CORO2B: variants seen among roughly 807,000 people sequenced by gnomAD.
The protein encoded by CORO2B is coronin-2B.
A neutral mutation model predicts 58.8 loss-of-function variants in CORO2B; 26 were observed. That is an observed-to-expected ratio of 0.44 (90% CI 0.32 to 0.61). The LOEUF (loss-of-function observed/expected upper bound fraction) is 0.61, where lower values mean the gene tolerates loss of function less well. CORO2B is among the 20% of genes least tolerant of loss of function. CORO2B has a pLI of 0.04. For missense variants in CORO2B, 460 were observed against 645.1 expected (o/e 0.71, Z 3.11); for synonymous variants, 242 against 253.8 (o/e 0.95, Z 0.44).
chr15:68,545,798 C>G, the CORO2B span, among the ~76,000 whole-genome samples: 38 of 152,256 alleles, frequency 2.5e-4, no homozygotes, highest in Non-Finnish European at 4.1e-4. Flanking sequence ...GGGGGTACCC[C>G]GGGGATGGCA....
intron 2 of CORO2B, among the ~76,000 whole-genome samples, chr15:68,649,529 T>C (rs1050165338): frequency 2.6e-5 from 4 of 152,208 alleles, no homozygotes; most frequent in African/African-American, 9.7e-5. Flanking sequence ...GCAGTCTCGT[T>C]CTCCAGCGTT....
At chr15:68,568,259 C>T in the CORO2B span, among the ~76,000 whole-genome samples, 1 of 151,980 alleles carries the variant, frequency 6.6e-6, no homozygotes, top group Non-Finnish European at 1.5e-5. Flanking sequence ...CCCTGCACTG[C>T]CCCCCACCCC....
intron 3 of CORO2B, among the ~76,000 whole-genome samples, chr15:68,707,970 T>C (rs1490327084): frequency 1.3e-5 from 2 of 150,502 alleles, no homozygotes. Context: ...CTCACAGGAC[T>C]GTATGGGAGT....
chr15:68,723,544 T>G (rs1296103869), intron 11 of CORO2B, among the ~76,000 whole-genome samples: 1 of 151,974 alleles, frequency 6.6e-6, no homozygotes. Flanking sequence ...AACCTCCACC[T>G]CCCGGGTTCA....
chr15:68,663,469 C>T (rs1458643342), intron 2 of CORO2B, among the ~76,000 whole-genome samples: 1 of 152,172 alleles, frequency 6.6e-6, no homozygotes, highest in Non-Finnish European at 1.5e-5. Flanking sequence ...CCAGGAAACA[C>T]ACACACATAC....
chr15:68,553,976 G>T, the CORO2B span, among the ~76,000 whole-genome samples: 2 of 152,200 alleles, frequency 1.3e-5, no homozygotes, highest in African/African-American at 4.8e-5. Context: ...AGTTTTGAAA[G>T]GAGGAAGGAT....
intron 2 of CORO2B, among the ~76,000 whole-genome samples, chr15:68,674,374 G>A (rs1037360532): frequency 2.6e-5 from 4 of 152,236 alleles, no homozygotes; most frequent in African/African-American, 4.8e-5. Context: ...CAGAATGCCC[G>A]CCAGTGTCTG....
intron 3 of CORO2B, among the ~76,000 whole-genome samples, chr15:68,702,762 A>G (rs1892682615): frequency 6.7e-6 from 1 of 150,282 alleles, no homozygotes. Context: ...TGTGTACTGT[A>G]TACAGCTAAA....
At chr15:68,709,480 T>C (rs934255659) in intron 3 of CORO2B, among the ~76,000 whole-genome samples, 4 of 88,206 alleles carry the variant, frequency 4.5e-5, no homozygotes, top group African/African-American at 1.5e-4. Flanking sequence ...TTTTTTTTTT[T>C]AGACAGAGTC....
Position 68,631,891 on chromosome 15 carries a change from G to A in CORO2B, c.16-13269G>A, listed in dbSNP as rs1327638398. 3.1e-6 allele frequency: 3 copies of A among 966,626 alleles called. No individual in the cohort carries two copies. The African/African-American group carries it at 5.3e-5, about 17-fold the overall frequency. The allele number at this position is 966,626 out of a possible 1,614,324, so 59.9% of individuals were successfully genotyped here. ...GGAGGAGGTGCTCCTCGCAGTCAGT[G>A]TAAATAGGCTGCTGGAATGGCCCCA... On this transcript the variant is annotated intron_variant, in intron 1 of 11. Coordinates refer to ENST00000261861, the MANE Select transcript of CORO2B (RefSeq NM_006091.5).
chr15:68,668,642 G>A (rs1396133235), intron 2 of CORO2B, among the ~76,000 whole-genome samples: 2 of 152,292 alleles, frequency 1.3e-5, no homozygotes, highest in Non-Finnish European at 1.5e-5. Context: ...GGTAGTCAGG[G>A]GCTGGGCTAC....
At chr15:68,629,085 T>C (rs1900756600) in intron 1 of CORO2B, among the ~76,000 whole-genome samples, 1 of 152,234 alleles carries the variant, frequency 6.6e-6, no homozygotes, top group African/African-American at 2.4e-5. Context: ...CAAGGTCTGC[T>C]GGGGGAGCCA....
rs1334923373 is a variant in CORO2B at position 68,641,521 on chromosome 15, G to T, written c.16-3639G>T. 3 of 985,210 alleles carry T rather than the reference G, an allele frequency of 3.0e-6. No homozygotes were observed. The Admixed American group carries it at 1.8e-4, about 61-fold the overall frequency. 61.0% of individuals were successfully genotyped at this position (985,210 alleles called of 1,614,324 possible). A position where few individuals can be genotyped will look rare whatever the true frequency, so the allele number is the denominator to read the frequency against. ...GAAGGGGGAGGGTGGACGAGGAAGA[G>T]GTGAAGTCAGATGGGAAAACAGGCA... On this transcript the variant is annotated intron_variant, in intron 1 of 11. Coordinates refer to ENST00000261861, the MANE Select transcript of CORO2B (RefSeq NM_006091.5).
intron 11 of CORO2B, among the ~76,000 whole-genome samples, chr15:68,719,915 G>A (rs533600396): frequency 3.3e-5 from 5 of 152,334 alleles, no homozygotes; most frequent in African/African-American, 9.6e-5. Context: ...TCCCTCGCTG[G>A]CGTTGCAGCA....
chr15:68,594,818 C>T (rs1262110922), intron 1 of CORO2B, among the ~76,000 whole-genome samples: 2 of 152,172 alleles, frequency 1.3e-5, no homozygotes, highest in Non-Finnish European at 2.9e-5. Context: ...TGCCTCCAGT[C>T]CCAGGAAAGC....
intron 1 of CORO2B, among the ~76,000 whole-genome samples, chr15:68,612,704 C>T (rs1041632997): frequency 5.3e-5 from 8 of 152,280 alleles, no homozygotes; most frequent in African/African-American, 1.7e-4. Context: ...ACCATGAGCT[C>T]GTGACTTCAC....
At position 68,726,163 on chromosome 15, in the gene CORO2B, C is replaced by G; in HGVS notation, c.*189C>G. 1.4e-6 allele frequency: 1 copy of G among 699,990 alleles called. No homozygotes were observed. Among genetic ancestry groups the G allele is most frequent in the Middle Eastern group, 3.1e-4 (1 of 3,250 alleles). The allele number at this position is 699,990 out of a possible 1,614,324, so 43.4% of individuals were successfully genotyped here. On this transcript the variant is annotated 3_prime_UTR_variant, in exon 12 of 12. Transcript: ENST00000261861. ...CCTGACCTCATGCTAATAAAAGTCC[C>G]CAGCTTCTGGAGACCCCCTGCCGGC... is the stretch of plus-strand genomic sequence containing the variant.
At chr15:68,611,890 G>A (rs1900256928) in intron 1 of CORO2B, among the ~76,000 whole-genome samples, 1 of 151,636 alleles carries the variant, frequency 6.6e-6, no homozygotes, top group African/African-American at 2.4e-5. Flanking sequence ...TCCCACCTCA[G>A]CCTCCCAAGT....
intron 1 of CORO2B, among the ~76,000 whole-genome samples, chr15:68,589,436 C>T (rs1445931115): frequency 6.6e-6 from 1 of 152,224 alleles, no homozygotes; most frequent in Admixed American, 6.5e-5. Flanking sequence ...CTAAAACATT[C>T]CCTGTTGCTG....
Sources: allele counts gnomAD v4.1 joint callset (sites outside exome capture counted in the v4.1 genomes callset), GRCh38; gene constraint gnomAD v4.1.1; transcripts MANE v1.5; gene names NCBI Gene and HGNC (gene_info 2026-07-23, HGNC 2026-07-21).